CDC14A: variants seen among roughly 807,000 people sequenced by gnomAD.
The protein encoded by CDC14A is dual specificity protein phosphatase CDC14A.
CDC14A carries 53 observed loss-of-function variants against 74.4 expected under a neutral mutation model. The ratio of observed to expected loss-of-function variants is 0.71; its 90% CI spans 0.57 to 0.89. CDC14A has a LOEUF of 0.89. CDC14A is among the 40% of genes least tolerant of loss of function. The probability of loss-of-function intolerance (pLI) is 0.00; values close to 1 mark genes in which losing one functional copy is unlikely to be tolerated. For synonymous variants in CDC14A, 247 were observed against 258.4 expected, an observed-to-expected ratio of 0.96 and a Z score of 0.43; for missense variants, 646 against 713.7, an observed-to-expected ratio of 0.91 and a Z score of 1.08.
intron 5 of CDC14A, among the ~76,000 whole-genome samples, chr1:100,433,031 CCTGT>C (rs1226668687): frequency 6.6e-6 from 1 of 151,910 alleles, no homozygotes; most frequent in Non-Finnish European, 1.5e-5. Flanking sequence ...TGCTACCACT[CCTGT>C]CTAATTAAAT....
chr1:100,506,270 T>C (rs1178194980), intron 15 of CDC14A, among the ~76,000 whole-genome samples: 1 of 152,232 alleles, frequency 6.6e-6, no homozygotes, highest in African/African-American at 2.4e-5. Context: ...TTTATGTTGC[T>C]GTGGTTTTTC....
At chr1:100,379,966 C>T (rs539922503) in intron 3 of CDC14A, among the ~76,000 whole-genome samples, 1 of 152,134 alleles carries the variant, frequency 6.6e-6, no homozygotes, top group African/African-American at 2.4e-5. Context: ...GGGATCTGCC[C>T]CCATGACCCA....
chr1:100,461,622 C>G (rs1035044440), intron 8 of CDC14A, among the ~76,000 whole-genome samples: 12 of 152,192 alleles, frequency 7.9e-5, no homozygotes, highest in Non-Finnish European at 1.6e-4. Context: ...AAGGCCAAAG[C>G]CCCCAGTGGT....
At chr1:100,471,049 T>C (rs1057247766) in intron 10 of CDC14A, among the ~76,000 whole-genome samples, 9 of 152,174 alleles carry the variant, frequency 5.9e-5, no homozygotes, top group Middle Eastern at 3.4e-3. Context: ...AATTTATGAG[T>C]GAATATATCA....
chr1:100,425,453 C>G (rs1411630411), intron 5 of CDC14A, among the ~76,000 whole-genome samples: 3 of 152,144 alleles, frequency 2.0e-5, no homozygotes, highest in Non-Finnish European at 4.4e-5. Context: ...TACTTAAAAG[C>G]ACTTTTAGTG....
chr1:100,470,807 G>A (rs1668317376), intron 10 of CDC14A, among the ~76,000 whole-genome samples: 1 of 152,094 alleles, frequency 6.6e-6, no homozygotes, highest in South Asian at 2.1e-4. Flanking sequence ...ACAAAATGCT[G>A]GCAAAGATAT....
intron 8 of CDC14A, among the ~76,000 whole-genome samples, chr1:100,462,157 G>A (rs1054028857): frequency 1.3e-5 from 2 of 152,114 alleles, no homozygotes; most frequent in African/African-American, 2.4e-5. Flanking sequence ...GAAATGATAC[G>A]CAATTGTGAC....
rs1455501839 is a variant in CDC14A at position 100,414,263 on chromosome 1, C to T, written c.310-9959C>T. Among the ~76,000 whole-genome samples, 24 of 151,542 alleles carry T rather than the reference C, an allele frequency of 1.6e-4. 1 individual carries two copies. Among genetic ancestry groups the T allele is most frequent in the Admixed American group, 1.2e-3 (19 of 15,232 alleles). On this transcript the variant is annotated intron_variant, in intron 4 of 15. Transcript: ENST00000336454. Reference sequence around the variant, plus strand: ...GTAGGATTGCCTGAGCCCAGGAGTTCGAGACCAGCGTGGGCAACATAGTAG... The same window carrying T: ...GTAGGATTGCCTGAGCCCAGGAGTTTGAGACCAGCGTGGGCAACATAGTAG...
At chr1:100,414,487 A>G (rs889884531) in intron 4 of CDC14A, among the ~76,000 whole-genome samples, 1 of 152,192 alleles carries the variant, frequency 6.6e-6, no homozygotes, top group Non-Finnish European at 1.5e-5. Context: ...CTTCATTACA[A>G]AGTTATGGTT....
At chr1:100,356,576 C>T (rs1033442225) in intron 2 of CDC14A, among the ~76,000 whole-genome samples, 1 of 151,944 alleles carries the variant, frequency 6.6e-6, no homozygotes, top group African/African-American at 2.4e-5. Flanking sequence ...TCAGGGGGGA[C>T]CAGGCATAGT....
intron 7 of CDC14A, among the ~76,000 whole-genome samples, chr1:100,444,817 G>T (rs1174864779): frequency 6.6e-6 from 1 of 152,026 alleles, no homozygotes; most frequent in East Asian, 1.9e-4. Context: ...CCCTGTGGAT[G>T]GAATTATGAC....
At chr1:100,352,196 C>T (rs2100866791), upstream of CDC14A, among the ~76,000 whole-genome samples, 1 of 152,326 alleles carries the variant, frequency 6.6e-6, no homozygotes, top group Non-Finnish European at 1.5e-5. Context: ...CTCTCAACCC[C>T]GCCGTTTCAT....
chr1:100,423,495 A>G (rs1662596380), intron 4 of CDC14A, among the ~76,000 whole-genome samples: 1 of 152,108 alleles, frequency 6.6e-6, no homozygotes, highest in African/African-American at 2.4e-5. Context: ...CACAAGCATA[A>G]ATTCTATTAA....
At chr1:100,369,791 G>T (rs545000492) in intron 2 of CDC14A, among the ~76,000 whole-genome samples, 1 of 151,540 alleles carries the variant, frequency 6.6e-6, no homozygotes, top group Non-Finnish European at 1.5e-5. Context: ...TCCTGAGGCC[G>T]ATATTTAGAA....
rs1650425004 is a variant in CDC14A at position 100,518,572 on chromosome 1, A to G, written c.*292A>G. The G allele has an allele frequency of 3.9e-6, 1 of 255,234 alleles. No individual in the cohort carries two copies. The highest frequency in any genetic ancestry group is 7.6e-6 in the Non-Finnish European group (1 of 131,844). 15.8% of individuals were successfully genotyped at this position (255,234 alleles called of 1,614,324 possible). On this transcript the variant is annotated 3_prime_UTR_variant, in exon 16 of 16. Coordinates refer to ENST00000336454, the MANE Select transcript of CDC14A (RefSeq NM_003672.4). ...TATTTTTAATGTATTTTGGTAATAC[A>G]TTTATTATTATATTTACATGTACAG...
At chr1:100,430,836 A>G (rs1663568306) in intron 5 of CDC14A, among the ~76,000 whole-genome samples, 1 of 152,202 alleles carries the variant, frequency 6.6e-6, no homozygotes. Context: ...ACAATATTTT[A>G]TCCTCTTTTA....
chr1:100,372,184 G>A (rs2100930594), intron 2 of CDC14A, among the ~76,000 whole-genome samples: 1 of 152,358 alleles, frequency 6.6e-6, no homozygotes, highest in East Asian at 1.9e-4. Flanking sequence ...CCTTTAGCAA[G>A]TTGTAATCTT....
chr1:100,421,024 A>G (rs1662303298), intron 4 of CDC14A, among the ~76,000 whole-genome samples: 1 of 152,162 alleles, frequency 6.6e-6, no homozygotes, highest in Admixed American at 6.6e-5. Context: ...TATTATTAAT[A>G]TGGTTTCTAG....
intron 11 of CDC14A, among the ~76,000 whole-genome samples, chr1:100,486,718 T>G (rs1670052635): frequency 6.6e-6 from 1 of 152,194 alleles, no homozygotes; most frequent in South Asian, 2.1e-4. Flanking sequence ...TTATTTTAGT[T>G]TTAGCCATTG....
Sources: allele counts gnomAD v4.1 joint callset (sites outside exome capture counted in the v4.1 genomes callset), GRCh38; gene constraint gnomAD v4.1.1; transcripts MANE v1.5; gene names NCBI Gene and HGNC (gene_info 2026-07-23, HGNC 2026-07-21).